Variants in SBNO2 observed in about 807,000 individuals in gnomAD.
The protein encoded by SBNO2 is strawberry notch homolog 2, also known as protein strawberry notch homolog 2.
SBNO2 carries 89 observed loss-of-function variants against 146.3 expected under a neutral mutation model. The ratio of observed to expected loss-of-function variants is 0.61; its 90% confidence interval spans 0.51 to 0.73. SBNO2 has a LOEUF of 0.73. Among genes scored for constraint, SBNO2 ranks in the 30% least tolerant of loss-of-function variants. The probability of loss-of-function intolerance (pLI) is 0.00; values close to 1 mark genes in which losing one functional copy is unlikely to be tolerated. For synonymous variants in SBNO2, 1,147 were observed against 892.6 expected (o/e 1.29, Z -5.08); for missense variants, 2,092 against 2,003.7 (o/e 1.04, Z -0.84).
At position 1,108,873 on chromosome 19, in the gene SBNO2, C is replaced by T. The variant is rs1312524953; in HGVS notation, c.3522G>A (p.Val1174=). The T allele has an allele frequency of 6.3e-6, 10 of 1,593,416 alleles. 1 individual carries two copies. The African/African-American group carries it at 9.4e-5, about 15-fold the overall frequency. The change falls in exon 31 of 32, where the codon GTG becomes GTA. Residue 1174 remains valine, a synonymous_variant. Coordinates refer to ENST00000361757, the MANE Select transcript of SBNO2 (RefSeq NM_014963.3). ...CCATGACGGCGGCGATGCGGCCCCA[C>T]ACGCGCAGCAGCGCGCCGCACAGCA... The part of the protein sequence containing the change: ...HYMLCGALLR[V]WGRIAAVMAD...
rs1432849509 is a variant in SBNO2 at position 1,122,201 on chromosome 19, C to T, written c.1087G>A (p.Gly363Ser). 3.2e-6 allele frequency: 5 copies of T among 1,556,838 alleles called. No individual in the cohort carries two copies. The highest frequency in any genetic ancestry group is 2.4e-5 in the East Asian group (1 of 41,408). ...SALIGESQAG[G>S]QHRTRLRQIL... ...TGCCGGAGGCGAGTGCGGTGCTGGC[C>T]GCCGGCCTGGCTCTCCCCAATCAGG... is the stretch of plus-strand genomic sequence containing the variant. Residue 363 changes from glycine to serine, a missense_variant, in exon 11 of 32, where the codon GGC (glycine) becomes AGC (serine). Gly to Ser is a moderately conservative substitution (Grantham distance 56). Transcript: ENST00000361757.
At position 1,108,550 on chromosome 19, in the gene SBNO2, C is replaced by T. The variant is rs2145179381; in HGVS notation, c.3771G>A (p.Leu1257=). Residue 1257 remains leucine (L), a synonymous_variant, in exon 32 of 32, where the codon CTG becomes CTA. Coordinates refer to ENST00000361757, the MANE Select transcript of SBNO2 (RefSeq NM_014963.3). The part of the protein sequence containing the change: ...LALPCGPGEV[L]DLTYSPPAEA... ...CGGCCGGGGGGCTGTAGGTGAGGTC[C>T]AGCACCTCTCCGGGGCCGCAAGGCA... The T allele has an allele frequency of 4.8e-6, 6 of 1,243,172 alleles. No homozygotes were observed. The highest frequency in any genetic ancestry group is 2.4e-5 in the South Asian group (1 of 41,256). The allele number at this position is 1,243,172 out of a possible 1,614,324, so 77.0% of individuals were successfully genotyped here.
At chr19:1,161,854 G>A (rs1193951130) in intron 1 of SBNO2, among the ~76,000 whole-genome samples, 1 of 148,944 alleles carries the variant, frequency 6.7e-6, no homozygotes, top group Non-Finnish European at 1.5e-5. Context: ...CGTCAGTCAG[G>A]CGGCAGGGCC....
rs1295443787 is a variant in SBNO2 at position 1,147,546 on chromosome 19, G to C, written c.168-126C>G. ...GCCCCACTGGAGTGTGCCCAGCCCG[G>C]CAGGACCCATGGCCCCGCTGCACAT... On this transcript the variant is annotated intron_variant, in intron 3 of 31. Coordinates refer to ENST00000361757, the MANE Select transcript of SBNO2 (RefSeq NM_014963.3). The C allele has an allele frequency of 5.4e-6, 3 of 556,122 alleles. No individual in the cohort carries two copies. In the African/African-American group the frequency reaches 6.0e-5, roughly 11 times the overall value. 34.4% of individuals were successfully genotyped at this position (556,122 alleles called of 1,614,324 possible). A position where few individuals can be genotyped will look rare whatever the true frequency, so the allele number is the denominator to read the frequency against.
chr19:1,109,755 C>G lies in SBNO2; in HGVS notation c.3051G>C (p.Glu1017Asp), dbSNP rs768132256. 10 of 1,599,774 alleles carry G rather than the reference C, an allele frequency of 6.3e-6. No homozygotes were observed. In the East Asian group the frequency reaches 1.1e-4, roughly 18 times the overall value. Residue 1017 changes from glutamate (E) to aspartate (D), a missense_variant, in exon 27 of 32, where the codon GAG becomes GAC. Physicochemically the swap from Glu to Asp is conservative, Grantham distance 45 (BLOSUM62 2). Coordinates refer to ENST00000361757, the MANE Select transcript of SBNO2 (RefSeq NM_014963.3). The surrounding 1 kb of genome is among the most constrained non-coding windows in gnomAD (Gnocchi z 4.2). ...ACACCTGCTGGCTCTCCTCGTAGAT[C>G]TCCTCGATACCGGGAGCAAGGTCTA... ...GILDLAPGIE[E>D]IYEESQQVFL...
chr19:1,161,802 G>A lies in SBNO2; in HGVS notation c.-126-7400C>T, dbSNP rs898334158. 2.6e-5 allele frequency among the ~76,000 whole-genome samples: 4 copies of A among 151,756 alleles called. No homozygotes were observed. The South Asian group carries it at 6.2e-4, about 24-fold the overall frequency. Reference sequence around the variant, plus strand: ...CTGTGAGGCCCGGAGCCTCCCTGACGCAGGTGGTGGGTGTCATGGCTCTGC... The same window carrying A: ...CTGTGAGGCCCGGAGCCTCCCTGACACAGGTGGTGGGTGTCATGGCTCTGC... On this transcript the variant is annotated intron_variant, in intron 1 of 31. Transcript: ENST00000361757.
intron 7 of SBNO2, among the ~76,000 whole-genome samples, 170 bp downstream of exon 7, chr19:1,123,364 C>A (rs933449787): frequency 6.6e-6 from 1 of 152,144 alleles, no homozygotes; most frequent in African/African-American, 2.4e-5. Context: ...CCTCTGCGAA[C>A]CCCGGTTTTG....
rs575901090 is a variant in SBNO2, at chr19:1,112,687, C to G, written c.2379+131G>C. 7.0e-7 allele frequency: 1 copy of G among 1,432,058 alleles called. No homozygotes were observed. The highest frequency in any genetic ancestry group is 9.2e-7 in the Non-Finnish European group (1 of 1,084,426). 88.7% of individuals were successfully genotyped at this position (1,432,058 alleles called of 1,614,324 possible). On this transcript the variant is annotated intron_variant, in intron 20 of 31. Transcript: ENST00000361757. This position sits in a 1 kb window ranked among gnomAD's most constrained non-coding sequence, Gnocchi z 5.9. The stretch of plus-strand genomic sequence containing the variant: ...CGGGGCGCGGACACCACCCGCCACA[C>G]GGCCACTCGCGCCCGCACCTGGCAC...
intron 14 of SBNO2, among the ~76,000 whole-genome samples, chr19:1,118,544 G>A (rs1371449979): frequency 3.9e-5 from 6 of 151,900 alleles, no homozygotes; most frequent in Admixed American, 1.3e-4. Context: ...GCGGTGGTTT[G>A]GTCCCATCCC....
chr19:1,172,513 T>G (rs1042472716), intron 1 of SBNO2, among the ~76,000 whole-genome samples: 18 of 152,100 alleles, frequency 1.2e-4, no homozygotes, highest in African/African-American at 4.3e-4. Flanking sequence ...GGGTCCCATG[T>G]CCCCGCTGCT....
chr19:1,116,228 G>A, intron 16 of SBNO2, 125 bp from the exon 17 acceptor site: 2 of 796,764 alleles, frequency 2.5e-6, no homozygotes, highest in Non-Finnish European at 3.9e-6. Context: ...CCTGGGCAGA[G>A]GGTCTCCTGT....
chr19:1,166,488 TTG>T (rs2080426247), intron 1 of SBNO2, among the ~76,000 whole-genome samples: 1 of 152,108 alleles, frequency 6.6e-6, no homozygotes, highest in South Asian at 2.1e-4. Context: ...CGCTCGGGTC[TTG>T]TGTTTATTTT....
intron 4 of SBNO2, among the ~76,000 whole-genome samples, chr19:1,141,449 A>C (rs112885539): frequency 0.016 from 2,390 of 152,168 alleles, 63 homozygotes; most frequent in African/African-American, 0.055. Context: ...TCCTAAGCTC[A>C]GGTGATCTGC....
At position 1,166,048 on chromosome 19, in the gene SBNO2, C is replaced by CAGACCCCA. The variant is rs71174347; in HGVS notation, c.-127+8123_-127+8124insTGGGGTCT. Among the ~76,000 whole-genome samples the CAGACCCCA allele has an allele frequency of 2.6e-3, 312 of 122,336 alleles. 52 individuals carry two copies. Among genetic ancestry groups the CAGACCCCA allele is most frequent in the Non-Finnish European group, 3.2e-3 (175 of 54,976 alleles). 80.3% of individuals were successfully genotyped at this position (122,336 alleles called of 152,430 possible). A position where few individuals can be genotyped will look rare whatever the true frequency, so the allele number is the denominator to read the frequency against. ...ACCCCAGACCCCAGACCCCAGATCC[C>CAGACCCCA]AGATCCCAGACCCCAGACCCCCAGA... On this transcript the variant is annotated intron_variant, in intron 1 of 31. Coordinates refer to ENST00000361757, the MANE Select transcript of SBNO2 (RefSeq NM_014963.3).
chr19:1,144,665 G>T lies in SBNO2; in HGVS notation c.279+2644C>A, dbSNP rs2080170073. ...GGCGACAGAGACAGAGGCAGAGAGG[G>T]AAACAGACGAAGACAGAGAGGGCGA... On this transcript the variant is annotated intron_variant, in intron 4 of 31. Coordinates refer to ENST00000361757, the MANE Select transcript of SBNO2 (RefSeq NM_014963.3). This position sits in a 1 kb window ranked among gnomAD's most constrained non-coding sequence, Gnocchi z 4.1. Among the ~76,000 whole-genome samples, 1 of 151,750 alleles carries T rather than the reference G, an allele frequency of 6.6e-6. No homozygotes were observed. The highest frequency in any genetic ancestry group is 2.4e-5 in the African/African-American group (1 of 41,282).
chr19:1,171,312 G>A (rs956526698), intron 1 of SBNO2, among the ~76,000 whole-genome samples: 4 of 151,914 alleles, frequency 2.6e-5, no homozygotes, highest in Non-Finnish European at 4.4e-5. Flanking sequence ...ACGTGCGTAC[G>A]TACAATGCAC....
chr19:1,132,366 G>A lies in SBNO2; in HGVS notation c.280-4601C>T, dbSNP rs890504693. The stretch of plus-strand genomic sequence containing the variant: ...GGCCCCGTAAGTCAGGGCAATTACC[G>A]GCAGTGCGAGGAGAATTACTGTACG... On this transcript the variant is annotated intron_variant, in intron 4 of 31. Transcript: ENST00000361757. The A allele has an allele frequency of 8.9e-6, 10 of 1,128,266 alleles. No homozygotes were observed. The African/African-American group carries it at 1.1e-4, about 13-fold the overall frequency. The allele number at this position is 1,128,266 out of a possible 1,614,324, so 69.9% of individuals were successfully genotyped here. A position where few individuals can be genotyped will look rare whatever the true frequency, so the allele number is the denominator to read the frequency against.
chr19:1,128,222 C>G (rs759888663), intron 4 of SBNO2: 6 of 498,730 alleles, frequency 1.2e-5, no homozygotes, highest in Non-Finnish European at 2.4e-5. Context: ...TCTGCAGCAC[C>G]TGAAGGGCAG....
In SBNO2 at chr19:1,161,906, CGGGGGGGGGGG is replaced by C. The variant is rs916715232; in HGVS notation, c.-126-7515_-126-7505del. Among the ~76,000 whole-genome samples, 10 of 1,344 alleles carry C rather than the reference CGGGGGGGGGGG, an allele frequency of 7.4e-3. 2 individuals carry two copies. The highest frequency in any genetic ancestry group is 0.02 in the African/African-American group (5 of 244). The allele number at this position is 1,344 out of a possible 152,430, so 0.9% of individuals were successfully genotyped here. ...ATCCACTCCCTTCCCTGGGGAGCCG[CGGGGGGGGGGG>C]GGGGGGGGTTGGGCCAGGCCTGCGG... On this transcript the variant is annotated intron_variant, in intron 1 of 31. Coordinates refer to ENST00000361757, the MANE Select transcript of SBNO2 (RefSeq NM_014963.3).
Sources: gnomAD v4.1 joint callset for allele counts (sites outside exome capture counted in the v4.1 genomes callset) on GRCh38, gnomAD v4.1.1 for gene constraint, Gnocchi (gnomAD v3.1) non-coding constraint, MANE v1.5 for transcripts, NCBI Gene and HGNC (gene_info 2026-07-23, HGNC 2026-07-21) for gene names.